The following APMAP variants were observed in gnomAD, a reference collection of about 807,000 sequenced individuals.
The protein encoded by APMAP is adipocyte plasma membrane-associated protein.
In APMAP, 33 loss-of-function variants were observed where a neutral mutation model predicts 43.6. That is an observed-to-expected ratio of 0.76 (90% CI 0.57 to 1.01). APMAP has a LOEUF of 1.01. Among genes scored for constraint, APMAP ranks in the 50% least tolerant of loss-of-function variants. APMAP has a pLI of 0.00. For synonymous variants in APMAP, 224 were observed against 216.7 expected (o/e 1.03, Z -0.30); for missense variants, 498 against 540.7 (o/e 0.92, Z 0.78).
chr20:24,989,631 C>T (rs1457342420), intron 1 of APMAP, among the ~76,000 whole-genome samples: 5 of 152,150 alleles, frequency 3.3e-5, no homozygotes, highest in African/African-American at 1.2e-4. Flanking sequence ...AATCAGATAG[C>T]ATCAACCCAT....
chr20:24,978,487 C>T (rs911154631), intron 3 of APMAP, among the ~76,000 whole-genome samples: 1 of 152,144 alleles, frequency 6.6e-6, no homozygotes, highest in Non-Finnish European at 1.5e-5. Flanking sequence ...GGCCTTTTTC[C>T]TTTCACAACA....
intron 1 of APMAP, 45 bp from the exon 2 acceptor site, chr20:24,984,064 C>A: frequency 1.3e-6 from 2 of 1,516,762 alleles, no homozygotes; most frequent in Non-Finnish European, 9.1e-7. Flanking sequence ...GAGTCTCAGA[C>A]AGTGACAAGG....
At chr20:24,968,329 G>T (rs1224885716) in intron 8 of APMAP, among the ~76,000 whole-genome samples, 1 of 152,216 alleles carries the variant, frequency 6.6e-6, no homozygotes, top group Non-Finnish European at 1.5e-5. Context: ...AGATTTGGGT[G>T]TGGTAAGAGG....
Position 24,963,530 on chromosome 20 carries a change from C to T in APMAP, c.*283G>A, listed in dbSNP as rs6707. On this transcript the variant is annotated 3_prime_UTR_variant, in exon 9 of 9. Transcript: ENST00000217456. ...GAGCTTCCCAAATCCTAGAGAATGA[C>T]TGTACTTAGAAAGTTTTGTTTTGTT... 0.2 allele frequency: 85,319 copies of T among 436,724 alleles called. 9,119 individuals are homozygous for T. The highest frequency in any genetic ancestry group is 0.29 in the Middle Eastern group (439 of 1,518). 27.1% of individuals were successfully genotyped at this position (436,724 alleles called of 1,614,324 possible).
intron 2 of APMAP, among the ~76,000 whole-genome samples, chr20:24,981,517 C>A (rs934375584): frequency 6.6e-6 from 1 of 152,212 alleles, no homozygotes; most frequent in African/African-American, 2.4e-5. Context: ...GCACTGCTCT[C>A]TCCCTCCCCA....
In APMAP at chr20:24,968,876, C is replaced by T; in HGVS notation, c.1041+16G>A. Reference sequence around the variant, plus strand: ...ATTTCCATTTTCTTTCTTGGAATAACAGTTTTCACAGTTACCTTAAAAATC... The same window carrying T: ...ATTTCCATTTTCTTTCTTGGAATAATAGTTTTCACAGTTACCTTAAAAATC... On this transcript the variant is annotated intron_variant, in intron 8 of 8. Coordinates refer to ENST00000217456, the MANE Select transcript of APMAP (RefSeq NM_020531.3). The T allele has an allele frequency of 6.4e-7, 1 of 1,560,816 alleles. No homozygotes were observed. The highest frequency in any genetic ancestry group is 1.2e-5 in the South Asian group (1 of 84,900).
chr20:24,969,202 C>T, intron 7 of APMAP, 118 bp from the exon 8 acceptor site: 1 of 1,075,798 alleles, frequency 9.3e-7, no homozygotes, highest in African/African-American at 1.6e-5. Flanking sequence ...GCTCTATGAC[C>T]ATCATGAACA....
chr20:24,967,354 C>T (rs944815224), intron 8 of APMAP, among the ~76,000 whole-genome samples: 11 of 152,142 alleles, frequency 7.2e-5, no homozygotes, highest in Non-Finnish European at 1.5e-4. Context: ...AAAACTGAAC[C>T]TTCTTTCCAA....
In APMAP at chr20:24,992,569, C is replaced by T. The variant is rs149635684; in HGVS notation, c.95+25G>A. The T allele has an allele frequency of 2.3e-3, 3,448 of 1,472,394 alleles. 13 individuals carry two copies. The highest frequency in any genetic ancestry group is 2.8e-3 in the Non-Finnish European group (3,075 of 1,099,928). The allele number at this position is 1,472,394 out of a possible 1,614,324, so 91.2% of individuals were successfully genotyped here. The stretch of plus-strand genomic sequence containing the variant: ...TCCACTCCTAGCGGCCCGGCTCCAG[C>T]GCCCAGTCTGGGAGTCCGCCCTACC... On this transcript the variant is annotated intron_variant, in intron 1 of 8. Coordinates refer to ENST00000217456, the MANE Select transcript of APMAP (RefSeq NM_020531.3).
intron 2 of APMAP, among the ~76,000 whole-genome samples, chr20:24,981,493 AG>A (rs1335877789): frequency 6.6e-6 from 1 of 152,222 alleles, no homozygotes; most frequent in Non-Finnish European, 1.5e-5. Flanking sequence ...TAACACAGGA[AG>A]CCAGGGTGTG....
chr20:24,984,744 G>A (rs997429937), intron 1 of APMAP, among the ~76,000 whole-genome samples: 1 of 152,176 alleles, frequency 6.6e-6, no homozygotes, highest in East Asian at 1.9e-4. Flanking sequence ...CAAATGACCA[G>A]TAGTGCCTTA....
chr20:24,964,523 C>T, intron 8 of APMAP: 1 of 460,924 alleles, frequency 2.2e-6, no homozygotes, highest in Non-Finnish European at 4.5e-6. Flanking sequence ...CACAACATGG[C>T]TTCCAAAACA....
Position 24,968,991 on chromosome 20 carries a change from C to T in APMAP, c.942G>A (p.Gly314=), listed in dbSNP as rs145910569. Residue 314 remains glycine, a synonymous_variant, in exon 8 of 9, where the codon GGG becomes GGA. Coordinates refer to ENST00000217456, the MANE Select transcript of APMAP (RefSeq NM_020531.3). ...TGGTCGACATGCCCACCCAGTACCC[C>T]CCAGAGCTGCTGGGCCGGATGTTGT... ...FPDNIRPSSS[G]GYWVGMSTIR... is the part of the protein sequence containing the mutation. 9.9e-6 allele frequency: 16 copies of T among 1,614,012 alleles called. No homozygotes were observed. The highest frequency in any genetic ancestry group is 6.7e-5 in the African/African-American group (5 of 74,994).
At position 24,986,564 on chromosome 20, in the gene APMAP, AACTACG is replaced by A. The variant is rs2088149138; in HGVS notation, c.96-2551_96-2546del. On this transcript the variant is annotated intron_variant, in intron 1 of 8. Transcript: ENST00000217456. ...GCATAAAAATGTCTACAAAGCACAG[AACTACG>A]ACCTGACATGACGGCAGGCTCATGC... Among the ~76,000 whole-genome samples, 3 of 152,250 alleles carry A rather than the reference AACTACG, an allele frequency of 2.0e-5. No homozygotes were observed. In the South Asian group the frequency reaches 6.2e-4, roughly 31 times the overall value.
At chr20:24,992,067 G>C (rs1324964528) in intron 1 of APMAP, among the ~76,000 whole-genome samples, 1 of 152,204 alleles carries the variant, frequency 6.6e-6, no homozygotes, top group Non-Finnish European at 1.5e-5. Context: ...AGGGGGGCAG[G>C]TGCAGAAGAG....
At chr20:24,986,745 G>A (rs1002538598) in intron 1 of APMAP, among the ~76,000 whole-genome samples, 7 of 152,210 alleles carry the variant, frequency 4.6e-5, no homozygotes, top group Non-Finnish European at 8.8e-5. Context: ...AGGGAAGTGG[G>A]CAGGGAAAGG....
chr20:24,976,819 C>T (rs62215115), intron 3 of APMAP, among the ~76,000 whole-genome samples: 14,038 of 152,286 alleles, frequency 0.092, 746 homozygotes, highest in Middle Eastern at 0.19. Context: ...TGTGGCACAT[C>T]CATACAATGG....
chr20:24,976,067 C>T (rs749939069), intron 3 of APMAP, among the ~76,000 whole-genome samples: 11 of 152,132 alleles, frequency 7.2e-5, no homozygotes, highest in Non-Finnish European at 1.5e-4. Context: ...ATATAAAATA[C>T]AAAACAAATT....
chr20:24,970,444 C>T, intron 5 of APMAP, 73 bp from the exon 6 acceptor site: 2 of 1,393,480 alleles, frequency 1.4e-6, no homozygotes, highest in Non-Finnish European at 1.9e-6. Context: ...TATTAACCAA[C>T]CTAACTGATT....
Sources: gnomAD v4.1 joint callset for allele counts (sites outside exome capture counted in the v4.1 genomes callset) on GRCh38, gnomAD v4.1.1 for gene constraint, MANE v1.5 for transcripts, NCBI Gene and HGNC (gene_info 2026-07-23, HGNC 2026-07-21) for gene names.